The following DNAH2 variants were observed in gnomAD, a reference collection of about 807,000 sequenced individuals.
DNAH2 encodes dynein axonemal heavy chain 2.
A neutral mutation model predicts 523.5 loss-of-function variants in DNAH2; 323 were observed. That is an observed-to-expected ratio of 0.62 (90% CI 0.56 to 0.68). The LOEUF is 0.68. DNAH2 is among the 30% of genes least tolerant of loss of function. The pLI is 0.00. For synonymous variants in DNAH2, 2,093 were observed against 2,177.4 expected, an observed-to-expected ratio of 0.96 and a Z score of 1.08; for missense variants, 4,907 against 5,701.5, an observed-to-expected ratio of 0.86 and a Z score of 4.49.
At chr17:7,750,687 A>G (rs1408496321) in intron 12 of DNAH2, among the ~76,000 whole-genome samples, 3 of 152,158 alleles carry the variant, frequency 2.0e-5, no homozygotes, top group Non-Finnish European at 4.4e-5. Context: ...GCTCATTTAT[A>G]CTTTCAAGAG....
intron 70 of DNAH2, 35 bp from the exon 71 acceptor site, chr17:7,818,884 C>G (rs1433261380): frequency 6.2e-7 from 1 of 1,608,264 alleles, no homozygotes; most frequent in Admixed American, 1.7e-5. Context: ...GTCCCGCTAA[C>G]CCCTTGCTCC....
At chr17:7,802,150 A>G in intron 58 of DNAH2, 133 bp downstream of exon 58, 1 of 1,269,080 alleles carries the variant, frequency 7.9e-7, no homozygotes. Context: ...GGGAAGAGGG[A>G]GTTGGGGCTT....
intron 4 of DNAH2, 101 bp from the exon 5 acceptor site, chr17:7,732,986 G>A (rs2075033407): frequency 1.7e-6 from 2 of 1,151,120 alleles, no homozygotes; most frequent in East Asian, 4.8e-5. Flanking sequence ...GAAGGATCAG[G>A]ATACCCTGAG....
chr17:7,829,030 A>ATTAT (rs1555578600), intron 77 of DNAH2, among the ~76,000 whole-genome samples: 1 of 143,106 alleles, frequency 7.0e-6, no homozygotes, highest in Non-Finnish European at 1.5e-5. Flanking sequence ...TATTATTATT[A>ATTAT]TTTTTTTTTT....
At chr17:7,814,770 A>C (rs1408306787) in intron 63 of DNAH2, among the ~76,000 whole-genome samples, 1 of 152,162 alleles carries the variant, frequency 6.6e-6, no homozygotes, top group Non-Finnish European at 1.5e-5. Flanking sequence ...GAATCGCTTG[A>C]ACCCAGGAGG....
chr17:7,779,780 TG>T (rs2076553983), intron 36 of DNAH2, among the ~76,000 whole-genome samples: 1 of 152,102 alleles, frequency 6.6e-6, no homozygotes, highest in Non-Finnish European at 1.5e-5. Context: ...GGAACAACTC[TG>T]GGGGAAGGGT....
chr17:7,781,224 C>T (rs1018801678), intron 39 of DNAH2, 57 bp downstream of exon 39: 1 of 1,606,066 alleles, frequency 6.2e-7, no homozygotes, highest in African/African-American at 1.3e-5. Flanking sequence ...GTTGTAATCC[C>T]AGCACTTTGG....
chr17:7,718,666 C>T lies in DNAH2; in HGVS notation c.-148C>T, dbSNP rs1287512043. The T allele has an allele frequency of 2.0e-5, 3 of 152,668 alleles. No homozygotes were observed. The East Asian group carries it at 5.8e-4, about 29-fold the overall frequency. 9.5% of individuals were successfully genotyped at this position (152,668 alleles called of 1,614,324 possible). On this transcript the variant is annotated 5_prime_UTR_variant, in exon 1 of 86. Coordinates refer to ENST00000572933, the MANE Select transcript of DNAH2 (RefSeq NM_020877.5). ...TCTTTCTTCCAATCTGTTCTCAGGG[C>T]ATTTTGAGTCAAATAAATGATCCTG...
chr17:7,721,876 G>A (rs771444654), intron 2 of DNAH2, among the ~76,000 whole-genome samples: 29 of 152,216 alleles, frequency 1.9e-4, no homozygotes, highest in Non-Finnish European at 1.5e-4. Flanking sequence ...TGATTCCTAT[G>A]AGCCCCAACT....
At chr17:7,775,421 C>T in intron 30 of DNAH2, 79 bp downstream of exon 30, 1 of 1,373,900 alleles carries the variant, frequency 7.3e-7, no homozygotes. Context: ...CGCAGTGGCT[C>T]ACACTTGTAA....
rs1597705704 is a variant in DNAH2, at chr17:7,800,268, C to A, written c.8699+1026C>A. On this transcript the variant is annotated intron_variant, in intron 56 of 85. Transcript: ENST00000572933. ...GTTTCACCATGTTGGTCTGGCTGAT[C>A]TCAAACTCCTGACCTCAAGTGATCC... is the stretch of plus-strand genomic sequence containing the variant. Among the ~76,000 whole-genome samples, 2 of 152,242 alleles carry A rather than the reference C, an allele frequency of 1.3e-5. 1 individual carries two copies. The highest frequency in any genetic ancestry group is 4.1e-4 in the South Asian group (2 of 4,830).
Position 7,781,216 on chromosome 17 carries a change from T to G in DNAH2, c.6129+49T>G, listed in dbSNP as rs1027125540. ...CTGACCGGGTGCTGTGGCTCATGGTTGTAATCCCAGCACTTTGGGAGGCCG... is the reference window on the plus strand; with the variant it reads ...CTGACCGGGTGCTGTGGCTCATGGTGGTAATCCCAGCACTTTGGGAGGCCG... On this transcript the variant is annotated intron_variant, in intron 39 of 85. Coordinates refer to ENST00000572933, the MANE Select transcript of DNAH2 (RefSeq NM_020877.5). 3.1e-6 allele frequency: 5 copies of G among 1,609,912 alleles called. No individual in the cohort carries two copies. The African/African-American group carries it at 6.7e-5, about 22-fold the overall frequency.
intron 77 of DNAH2, 135 bp from the exon 78 acceptor site, chr17:7,830,165 A>T: frequency 3.4e-6 from 3 of 876,850 alleles, no homozygotes; most frequent in South Asian, 1.8e-5. Context: ...ATCAACGGCT[A>T]CATTTCAGCC....
At chr17:7,737,587 A>G (rs2075178397) in intron 8 of DNAH2, among the ~76,000 whole-genome samples, 1 of 152,220 alleles carries the variant, frequency 6.6e-6, no homozygotes, top group Admixed American at 6.5e-5. Context: ...TCTTCTTCCC[A>G]TTCCTCAAGA....
chr17:7,758,398 G>A, intron 13 of DNAH2, 97 bp from the exon 14 acceptor site: 5 of 1,409,274 alleles, frequency 3.5e-6, no homozygotes, highest in South Asian at 1.5e-5. Flanking sequence ...CTAGACTAGT[G>A]GTCTAGAAAT....
chr17:7,832,906 G>A lies in DNAH2; in HGVS notation c.12956G>A (p.Ser4319Asn). The A allele has an allele frequency of 6.2e-7, 1 of 1,614,212 alleles. No individual in the cohort carries two copies. The highest frequency in any genetic ancestry group is 8.5e-7 in the Non-Finnish European group (1 of 1,180,042). ...TTTATCGTTTCCACTGTGGATGACAGCAACCTAGTGTATCCCCCCAAGGTG... is the reference window on the plus strand; with the variant it reads ...TTTATCGTTTCCACTGTGGATGACAACAACCTAGTGTATCCCCCCAAGGTG... ...WEFIVSTVDD[S>N]NLVYPPKDGV... Residue 4319 changes from serine to asparagine, a missense_variant, in exon 84 of 86, where the codon AGC becomes AAC. Transcript: ENST00000572933. The surrounding 1 kb of genome is among the most constrained non-coding windows in gnomAD (Gnocchi z 4.3).
At position 7,781,147 on chromosome 17, in the gene DNAH2, C is replaced by T. The variant is rs1212562444; in HGVS notation, c.6109C>T (p.Pro2037Ser). ...AGATCTGTTTCCCAACATTGAGCTG[C>T]CTGTCATTGACTATGGCAAGGTATT... ...VQDLFPNIELPVIDYGKLRET... is the reference protein window; with the variant it reads ...VQDLFPNIELSVIDYGKLRET... The change falls in exon 39 of 86, where the codon CCT becomes TCT. Residue 2037 changes from proline to serine, a missense_variant. This residue lies in a region of DNAH2 where 2,806 missense variants were observed against 3,190.8 expected (regional missense o/e 0.88). Transcript: ENST00000572933. 2 of 1,614,190 alleles carry T rather than the reference C, an allele frequency of 1.2e-6. No homozygotes were observed. Among genetic ancestry groups the T allele is most frequent in the Non-Finnish European group, 1.7e-6 (2 of 1,180,038 alleles).
chr17:7,804,468 T>C lies in DNAH2; in HGVS notation c.9183+2T>C. ...CGGGAGGCAGATGAGCAGCAGAAGG[T>C]CCAGGGCCCACGCCCACCCCCCGTG... On this transcript the variant is annotated splice_donor_variant, in intron 59 of 85. Transcript: ENST00000572933. LOFTEE classifies it high-confidence loss of function. 1 of 1,612,732 alleles carries C rather than the reference T, an allele frequency of 6.2e-7. No individual in the cohort carries two copies. The highest frequency in any genetic ancestry group is 8.5e-7 in the Non-Finnish European group (1 of 1,179,914).
chr17:7,804,152 G>C, intron 58 of DNAH2, 104 bp from the exon 59 acceptor site: 2 of 1,225,422 alleles, frequency 1.6e-6, no homozygotes, highest in Non-Finnish European at 2.3e-6. Flanking sequence ...GGTGGCAACA[G>C]AAAGGAAGGC....
Sources: allele counts gnomAD v4.1 joint callset (sites outside exome capture counted in the v4.1 genomes callset), GRCh38; gene constraint gnomAD v4.1.1; regional missense constraint gnomAD v4.1.1; non-coding constraint Gnocchi (gnomAD v3.1); transcripts MANE v1.5; gene names NCBI Gene and HGNC (gene_info 2026-07-23, HGNC 2026-07-21).